Variants in TMEM232 observed in about 807,000 individuals in gnomAD.
The protein encoded by TMEM232 is transmembrane protein 232.
TMEM232 carries 80 observed loss-of-function variants against 78.8 expected under a neutral mutation model. That is an observed-to-expected ratio of 1.01 (90% CI 0.85 to 1.22). The LOEUF is 1.22. Among genes scored for constraint, TMEM232 ranks in the 50% most tolerant of loss-of-function variants. The pLI, the probability that TMEM232 is intolerant of heterozygous loss-of-function variation, is 0.00. For synonymous variants in TMEM232, 297 were observed against 254.3 expected (o/e 1.17, Z -1.60); for missense variants, 881 against 742.2 (o/e 1.19, Z -2.17).
intron 10 of TMEM232, among the ~76,000 whole-genome samples, chr5:110,601,908 A>G (rs571494421): frequency 7.3e-4 from 111 of 152,350 alleles, no homozygotes; most frequent in African/African-American, 2.6e-3. Flanking sequence ...CTACAAGGCT[A>G]TAGTAACCAC....
intron 4 of TMEM232, among the ~76,000 whole-genome samples, chr5:110,389,477 G>T (rs1325331219): frequency 3.3e-5 from 5 of 152,202 alleles, no homozygotes; most frequent in African/African-American, 1.2e-4. Context: ...AGAGGATAAA[G>T]AATTTGAGAA....
At chr5:110,467,914 CTT>C (rs1330740053) in intron 12 of TMEM232, among the ~76,000 whole-genome samples, 4 of 152,006 alleles carry the variant, frequency 2.6e-5, no homozygotes, top group South Asian at 2.1e-4. Context: ...CTTCTATACT[CTT>C]TGGCTTTGGG....
At position 110,496,197 on chromosome 5, in the gene TMEM232, G is replaced by A. The variant is rs374290701; in HGVS notation, c.1703+32391C>T. On this transcript the variant is annotated intron_variant, in intron 12 of 13. Coordinates refer to ENST00000455884, the MANE Select transcript of TMEM232 (RefSeq NM_001039763.4). ...TTTCAAGAAGATTTTCGTTGTACATGTGCTGAAAGTTAGGTATACTGAATT... is the reference window on the plus strand; with the variant it reads ...TTTCAAGAAGATTTTCGTTGTACATATGCTGAAAGTTAGGTATACTGAATT... 3.3e-5 allele frequency among the ~76,000 whole-genome samples: 5 copies of A among 151,976 alleles called. No individual in the cohort carries two copies. In the South Asian group the frequency reaches 8.3e-4, roughly 25 times the overall value.
chr5:110,648,365 A>G (rs1284648610), intron 2 of TMEM232, among the ~76,000 whole-genome samples: 1 of 152,078 alleles, frequency 6.6e-6, no homozygotes, highest in Non-Finnish European at 1.5e-5. Flanking sequence ...AAGATTCAAG[A>G]CAGACATACA....
chr5:110,559,467 T>G (rs184172709), intron 11 of TMEM232, among the ~76,000 whole-genome samples: 1 of 152,184 alleles, frequency 6.6e-6, no homozygotes, highest in Non-Finnish European at 1.5e-5. Flanking sequence ...TATATATATA[T>G]TCCCACAAAT....
chr5:110,630,961 C>CTTA (rs1017908542), intron 5 of TMEM232, among the ~76,000 whole-genome samples: 17 of 152,210 alleles, frequency 1.1e-4, no homozygotes, highest in Admixed American at 6.5e-4. Context: ...AGACACAGAA[C>CTTA]TTATGCTGGT....
downstream of TMEM232, among the ~76,000 whole-genome samples, chr5:110,416,046 A>G (rs1756196556): frequency 6.6e-6 from 1 of 152,218 alleles, no homozygotes; most frequent in South Asian, 2.1e-4. Flanking sequence ...CACCATGAAA[A>G]ATGCATGTAG....
chr5:110,443,055 C>T (rs1759239851), intron 12 of TMEM232, among the ~76,000 whole-genome samples: 1 of 152,130 alleles, frequency 6.6e-6, no homozygotes. Context: ...CACTGGGTCC[C>T]ACCCAAGGCA....
intron 2 of TMEM232, among the ~76,000 whole-genome samples, chr5:110,732,455 C>T (rs953748795): frequency 6.6e-6 from 1 of 152,166 alleles, no homozygotes; most frequent in African/African-American, 2.4e-5. Flanking sequence ...ATTGGACTTA[C>T]AGTTCCACAT....
chr5:110,622,964 C>A (rs907574767), intron 7 of TMEM232, among the ~76,000 whole-genome samples: 3 of 150,536 alleles, frequency 2.0e-5, no homozygotes, highest in Non-Finnish European at 4.4e-5. Context: ...GCACATTGTG[C>A]ACATGTACCC....
At chr5:110,527,473 CA>C (rs1488926952) in intron 12 of TMEM232, among the ~76,000 whole-genome samples, 2 of 151,778 alleles carry the variant, frequency 1.3e-5, no homozygotes, top group African/African-American at 2.4e-5. Flanking sequence ...ATAAAATTTA[CA>C]GTTAAGTTTA....
intron 2 of TMEM232, among the ~76,000 whole-genome samples, chr5:110,413,311 C>T (rs907369050): frequency 6.6e-6 from 1 of 152,186 alleles, no homozygotes; most frequent in Non-Finnish European, 1.5e-5. Flanking sequence ...CCTGGACTTA[C>T]ACCAGTGGTT....
intron 11 of TMEM232, among the ~76,000 whole-genome samples, chr5:110,567,844 G>A (rs1398242013): frequency 6.6e-6 from 1 of 151,922 alleles, no homozygotes; most frequent in Non-Finnish European, 1.5e-5. Context: ...TCAAGTGAGA[G>A]AATAGGTGTC....
At chr5:110,652,294 G>GCGCGCGCACACACACACACACACA (rs1554069154) in intron 2 of TMEM232, among the ~76,000 whole-genome samples, 14 of 145,452 alleles carry the variant, frequency 9.6e-5, no homozygotes, top group Admixed American at 4.1e-4. Flanking sequence ...GCACGCGCGC[G>GCGCGCGCACACACACACACACACA]CACACACACA....
At chr5:110,655,611 G>T (rs1355733697) in intron 2 of TMEM232, among the ~76,000 whole-genome samples, 2 of 148,598 alleles carry the variant, frequency 1.3e-5, no homozygotes, top group East Asian at 4.0e-4. Flanking sequence ...GCACACGTAT[G>T]TTTATTGCGG....
chr5:110,696,934 T>A (rs931165853), intron 1 of TMEM232, among the ~76,000 whole-genome samples: 1 of 152,076 alleles, frequency 6.6e-6, no homozygotes, highest in African/African-American at 2.4e-5. Flanking sequence ...CTTCACGGAA[T>A]TGGAAAAAAC....
At chr5:110,624,396 CGACT>C (rs1238636962) in intron 7 of TMEM232, among the ~76,000 whole-genome samples, 1 of 150,776 alleles carries the variant, frequency 6.6e-6, no homozygotes, top group African/African-American at 2.4e-5. Context: ...ACAATAATGA[CGACT>C]TTTTAAAGAT....
chr5:110,690,056 C>T (rs1423934234), intron 1 of TMEM232, among the ~76,000 whole-genome samples: 1 of 152,048 alleles, frequency 6.6e-6, no homozygotes, highest in East Asian at 1.9e-4. Context: ...TAGGCAATAC[C>T]ATTCAGGACA....
chr5:110,397,680 A>G (rs536005915), intron 3 of TMEM232: 1 of 151,222 alleles, frequency 6.6e-6, no homozygotes, highest in African/African-American at 2.4e-5. Flanking sequence ...TAAACCACCC[A>G]TTTATAAGAA....
Sources: gnomAD v4.1 joint callset for allele counts (sites outside exome capture counted in the v4.1 genomes callset) on GRCh38, gnomAD v4.1.1 for gene constraint, MANE v1.5 for transcripts, NCBI Gene and HGNC (gene_info 2026-07-23, HGNC 2026-07-21) for gene names.